The following LARP4B variants were observed in gnomAD, a reference collection of about 807,000 sequenced individuals.
LARP4B encodes the protein La ribonucleoprotein 4B, also known as la-related protein 4B.
LARP4B carries 12 observed loss-of-function variants against 89.8 expected under a neutral mutation model. The ratio of observed to expected loss-of-function variants is 0.13; its 90% CI spans 0.09 to 0.22. The LOEUF (loss-of-function observed/expected upper bound fraction) is 0.22, where lower values mean the gene tolerates loss of function less well. LARP4B is among the 10% of genes least tolerant of loss of function. LARP4B has a pLI of 1.00. For synonymous variants in LARP4B, 367 were observed against 363.3 expected, an observed-to-expected ratio of 1.01 and a Z score of -0.12; for missense variants, 757 against 947.7, an observed-to-expected ratio of 0.80 and a Z score of 2.64.
At chr10:846,589 G>A (rs145488730) in intron 5 of LARP4B, among the ~76,000 whole-genome samples, 170 of 152,342 alleles carry the variant, frequency 1.1e-3, no homozygotes, top group African/African-American at 3.8e-3. Flanking sequence ...TGAGGTCACA[G>A]AGGCCGGTGT....
At chr10:873,177 C>T in intron 3 of LARP4B, 4 of 984,780 alleles carry the variant, frequency 4.1e-6, no homozygotes, top group South Asian at 9.4e-5. Context: ...GACAGGCGTG[C>T]TGGTCCCAAG....
chr10:896,189 T>G (rs910216479), intron 1 of LARP4B, among the ~76,000 whole-genome samples: 1 of 152,264 alleles, frequency 6.6e-6, no homozygotes, highest in Non-Finnish European at 1.5e-5. Flanking sequence ...ATGTGTGGTG[T>G]AGGCATAGTC....
intron 1 of LARP4B, among the ~76,000 whole-genome samples, chr10:919,811 C>T (rs1418849321): frequency 6.6e-6 from 1 of 152,186 alleles, no homozygotes; most frequent in Non-Finnish European, 1.5e-5. Context: ...TCCCTGAATG[C>T]TTTAGGAAGA....
chr10:853,384 T>C (rs1257642190), intron 5 of LARP4B, among the ~76,000 whole-genome samples: 2 of 152,220 alleles, frequency 1.3e-5, no homozygotes, highest in African/African-American at 2.4e-5. Flanking sequence ...TACCTTCATT[T>C]AAACATACTC....
intron 5 of LARP4B, among the ~76,000 whole-genome samples, chr10:846,253 G>A (rs1372309653): frequency 2.6e-5 from 4 of 152,222 alleles, no homozygotes; most frequent in Non-Finnish European, 4.4e-5. Flanking sequence ...CCTGAATAAC[G>A]CAAAGCCTGT....
At chr10:829,658 G>C (rs778478654) in intron 10 of LARP4B, 23 bp downstream of exon 10, 2 of 1,611,536 alleles carry the variant, frequency 1.2e-6, no homozygotes, top group Middle Eastern at 1.7e-4. Context: ...AATAAACAAA[G>C]TATAACCAAT....
chr10:859,321 T>C (rs532016655), intron 5 of LARP4B, among the ~76,000 whole-genome samples: 4 of 152,040 alleles, frequency 2.6e-5, no homozygotes, highest in African/African-American at 9.6e-5. Context: ...GGCAAGGATT[T>C]AATAAAACTG....
At position 843,056 on chromosome 10, in the gene LARP4B, A is replaced by G. The variant is rs1189574523; in HGVS notation, c.522T>C (p.Ala174=). 6.2e-7 allele frequency: 1 copy of G among 1,613,546 alleles called. No homozygotes were observed. The highest frequency in any genetic ancestry group is 2.2e-5 in the East Asian group (1 of 44,896). The change falls in exon 7 of 18, where the codon GCT becomes GCC. Residue 174 remains alanine, a synonymous_variant. Coordinates refer to ENST00000316157, the MANE Select transcript of LARP4B (RefSeq NM_015155.3). ...LEFCLSRENL[A]SDMYLISQMD... is the part of the protein sequence containing the mutation. Reference sequence around the variant, plus strand: ...TCTGTGATATAAGATACATGTCACTAGCAAGGTTCTCCCTGTTGAAAGAAA... The same window carrying G: ...TCTGTGATATAAGATACATGTCACTGGCAAGGTTCTCCCTGTTGAAAGAAA...
chr10:807,959 G>A (rs536986515), downstream of LARP4B: 16 of 152,382 alleles, frequency 1.0e-4, no homozygotes, highest in Admixed American at 2.6e-4. Context: ...AGCAACACAC[G>A]TGGTCCTTCT....
intron 3 of LARP4B, among the ~76,000 whole-genome samples, chr10:867,525 T>C (rs1414737197): frequency 6.6e-6 from 1 of 152,238 alleles, no homozygotes; most frequent in African/African-American, 2.4e-5. Flanking sequence ...TAAAATATGG[T>C]TATTCTCTTG....
At chr10:944,376 G>T in the LARP4B span, among the ~76,000 whole-genome samples, 1 of 152,144 alleles carries the variant, frequency 6.6e-6, no homozygotes, top group Non-Finnish European at 1.5e-5. Context: ...TCATCAGCCT[G>T]GGATATGGCT....
chr10:942,041 C>G, the LARP4B span: 1 of 152,194 alleles, frequency 6.6e-6, no homozygotes, highest in African/African-American at 2.4e-5. Context: ...TGCCACTGTT[C>G]AGAAACATTC....
intron 3 of LARP4B, among the ~76,000 whole-genome samples, chr10:877,463 T>C (rs1835503446): frequency 6.6e-6 from 1 of 152,248 alleles, no homozygotes; most frequent in African/African-American, 2.4e-5. Context: ...GGTTTCTCTT[T>C]TTAAATGAAA....
rs1832414523 is a variant in LARP4B, at chr10:822,594, A to G, written c.1485-1749T>C. ...AGAACACTGTCAGCTGTCAGTGCCCATCATGCAGAGAGCAGGTTGGCTGAG... is the reference window on the plus strand; with the variant it reads ...AGAACACTGTCAGCTGTCAGTGCCCGTCATGCAGAGAGCAGGTTGGCTGAG... On this transcript the variant is annotated intron_variant, in intron 13 of 17. Coordinates refer to ENST00000316157, the MANE Select transcript of LARP4B (RefSeq NM_015155.3). This position sits in a 1 kb window ranked among gnomAD's most constrained non-coding sequence, Gnocchi z 4.6. 6.6e-6 allele frequency among the ~76,000 whole-genome samples: 1 copy of G among 152,206 alleles called. No individual in the cohort carries two copies. Among genetic ancestry groups the G allele is most frequent in the African/African-American group, 2.4e-5 (1 of 41,448 alleles).
rs562485138 is a variant in LARP4B at position 901,122 on chromosome 10, T to A, written c.-39-15362A>T. On this transcript the variant is annotated intron_variant, in intron 1 of 17. Transcript: ENST00000316157. ...TGTTAGTAGAGACGAGGTTTCACCA[T>A]GTTGGCCTGGTTTCGAACTCCTGAC... 2.3e-3 allele frequency among the ~76,000 whole-genome samples: 201 copies of A among 85,668 alleles called. 1 individual carries two copies. The highest frequency in any genetic ancestry group is 9.3e-3 in the African/African-American group (197 of 21,290). The allele number at this position is 85,668 out of a possible 152,430, so 56.2% of individuals were successfully genotyped here. A position where few individuals can be genotyped will look rare whatever the true frequency, so the allele number is the denominator to read the frequency against.
intron 7 of LARP4B, among the ~76,000 whole-genome samples, chr10:839,024 C>A (rs562933517): frequency 6.6e-6 from 1 of 152,320 alleles, no homozygotes; most frequent in Non-Finnish European, 1.5e-5. Context: ...GAGGCTACAT[C>A]CTATAGGATC....
chr10:985,663 GCA>G, the LARP4B span: 2 of 152,196 alleles, frequency 1.3e-5, no homozygotes, highest in Non-Finnish European at 2.9e-5. Flanking sequence ...CCTCTTTATG[GCA>G]CAGTGTGGAG....
rs555466274 is a variant in LARP4B at position 916,010 on chromosome 10, CT to C, written c.-40+15417del. ...TTAAGTCTTTTCCAAAAGGAACCCC[CT>C]GGAAGTCCGAGAGAGACCTATTAGG... On this transcript the variant is annotated intron_variant, in intron 1 of 17. Transcript: ENST00000316157. 2.5e-4 allele frequency among the ~76,000 whole-genome samples: 38 copies of C among 152,188 alleles called. No individual in the cohort carries two copies. In the South Asian group the frequency reaches 7.1e-3, roughly 28 times the overall value.
chr10:953,812 C>A, the LARP4B span, among the ~76,000 whole-genome samples: 1 of 152,186 alleles, frequency 6.6e-6, no homozygotes, highest in African/African-American at 2.4e-5. Context: ...GATGTGTAGG[C>A]TAGGCAGTCC....
Sources: gnomAD v4.1 joint callset for allele counts (sites outside exome capture counted in the v4.1 genomes callset) on GRCh38, gnomAD v4.1.1 for gene constraint, Gnocchi (gnomAD v3.1) non-coding constraint, MANE v1.5 for transcripts, NCBI Gene and HGNC (gene_info 2026-07-23, HGNC 2026-07-21) for gene names.